The following NIPBL variants were observed in gnomAD, a reference collection of about 807,000 sequenced individuals.
NIPBL encodes NIPBL cohesin loading factor, also known as nipped-B-like protein.
NIPBL carries 19 observed loss-of-function variants against 321.8 expected under a neutral mutation model. The ratio of observed to expected loss-of-function variants is 0.06; its 90% CI spans 0.04 to 0.09. The LOEUF (loss-of-function observed/expected upper bound fraction) is 0.09, where lower values mean the gene tolerates loss of function less well. Ranked by LOEUF, NIPBL falls within the 10% of genes least tolerant of loss-of-function variation. NIPBL has a pLI of 1.00. For missense variants in NIPBL, 2,210 were observed against 3,327.0 expected, an observed-to-expected ratio of 0.66 and a Z score of 8.26; for synonymous variants, 1,106 against 1,114.1, an observed-to-expected ratio of 0.99 and a Z score of 0.14.
intron 36 of NIPBL, 22 bp from the exon 37 acceptor site, chr5:37,045,421 A>C: frequency 6.6e-7 from 1 of 1,524,778 alleles, no homozygotes; most frequent in Non-Finnish European, 9.1e-7. Context: ...TATTATAAGT[A>C]AATATTACTT....
intron 1 of NIPBL, among the ~76,000 whole-genome samples, chr5:36,936,040 T>C (rs1580272754): frequency 6.6e-6 from 1 of 152,148 alleles, no homozygotes; most frequent in East Asian, 1.9e-4. Context: ...GGGCTCCCAG[T>C]GGACTTATTT....
chr5:37,014,486 G>A (rs1748692290), intron 21 of NIPBL, among the ~76,000 whole-genome samples, 197 bp from the exon 22 acceptor site: 1 of 151,886 alleles, frequency 6.6e-6, no homozygotes. Flanking sequence ...CACTCTATCT[G>A]TATTTTTATT....
chr5:36,885,490 C>A, intron 1 of NIPBL: 1 of 499,194 alleles, frequency 2.0e-6, no homozygotes, highest in Non-Finnish European at 3.9e-6. Context: ...CCTACCTGGA[C>A]AGAGTGAGGA....
intron 42 of NIPBL, among the ~76,000 whole-genome samples, chr5:37,056,226 T>C (rs1453666375): frequency 3.3e-5 from 5 of 152,126 alleles, no homozygotes; most frequent in Admixed American, 6.5e-5. Flanking sequence ...AAAGTAAAAA[T>C]AGAGTGAGAG....
At chr5:36,982,714 G>C (rs1744282761) in intron 9 of NIPBL, among the ~76,000 whole-genome samples, 1 of 151,636 alleles carries the variant, frequency 6.6e-6, no homozygotes, top group Admixed American at 6.6e-5. Flanking sequence ...AAATTGGATT[G>C]AGGTTAATAA....
In NIPBL at chr5:37,000,361, A is replaced by G; in HGVS notation, c.3305-12A>G. On this transcript the variant is annotated splice_polypyrimidine_tract_variant and intron_variant, in intron 11 of 46. Coordinates refer to ENST00000282516, the MANE Select transcript of NIPBL (RefSeq NM_133433.4). The stretch of plus-strand genomic sequence containing the variant: ...ATGAGGTAAATTATTTGTCATGGGG[A>G]TTTGCTTCTAGCCTCTAGGAAACGA... 1 of 1,610,924 alleles carries G rather than the reference A, an allele frequency of 6.2e-7. No individual in the cohort carries two copies. The highest frequency in any genetic ancestry group is 2.2e-5 in the East Asian group (1 of 44,804).
At chr5:36,881,267 A>G (rs538002224) in intron 1 of NIPBL, among the ~76,000 whole-genome samples, 1 of 151,826 alleles carries the variant, frequency 6.6e-6, no homozygotes, top group Non-Finnish European at 1.5e-5. Context: ...AAGTAATAAA[A>G]GTAATTTTAG....
intron 32 of NIPBL, among the ~76,000 whole-genome samples, chr5:37,033,246 A>G (rs776095041): frequency 6.6e-6 from 1 of 152,310 alleles, no homozygotes; most frequent in African/African-American, 2.4e-5. Context: ...AAAAATTTAA[A>G]TATATCAAAG....
At position 37,007,995 on chromosome 5, in the gene NIPBL, CTTTT is replaced by C. The variant is rs1226631097; in HGVS notation, c.4240-10_4240-7del. On this transcript the variant is annotated splice_polypyrimidine_tract_variant and intron_variant, in intron 18 of 46. Transcript: ENST00000282516. ...CTAAAGGTGTATACTACTTACTCTTCTTTTTTAAACAGGTTTCATCTATGGGAAT... is the reference window on the plus strand; with the variant it reads ...CTAAAGGTGTATACTACTTACTCTTCTTAAACAGGTTTCATCTATGGGAAT... 5 of 1,540,628 alleles carry C rather than the reference CTTTT, an allele frequency of 3.2e-6. No homozygotes were observed. The highest frequency in any genetic ancestry group is 4.5e-6 in the Non-Finnish European group (5 of 1,113,634).
At chr5:37,030,919 C>CTTTTTTT (rs11291612) in intron 32 of NIPBL, among the ~76,000 whole-genome samples, 1 of 82,384 alleles carries the variant, frequency 1.2e-5, no homozygotes, top group Non-Finnish European at 2.3e-5. Context: ...CATGTTTAGC[C>CTTTTTTT]TTTTTTTTTT....
chr5:37,004,694 A>C (rs565815497), intron 16 of NIPBL, among the ~76,000 whole-genome samples: 1 of 152,232 alleles, frequency 6.6e-6, no homozygotes, highest in East Asian at 1.9e-4. Flanking sequence ...GATGTGAGGC[A>C]CTACACCTGG....
At chr5:37,009,158 T>A (rs560503200) in intron 20 of NIPBL, among the ~76,000 whole-genome samples, 1 of 152,264 alleles carries the variant, frequency 6.6e-6, no homozygotes, top group African/African-American at 2.4e-5. Context: ...AGTGAGAAGA[T>A]CTTGTTCATC....
In NIPBL at chr5:36,976,281, G is replaced by C. The variant is rs1202160030; in HGVS notation, c.1374G>C (p.Gln458His). 1 of 1,613,712 alleles carries C rather than the reference G, an allele frequency of 6.2e-7. No individual in the cohort carries two copies. The highest frequency in any genetic ancestry group is 8.5e-7 in the Non-Finnish European group (1 of 1,179,856). ...CTTCTGTGGTACAGAATCAACAACAGATATCACAACAGGGACCTATATATG... is the reference window on the plus strand; with the variant it reads ...CTTCTGTGGTACAGAATCAACAACACATATCACAACAGGGACCTATATATG... ...PQTSVVQNQQ[Q>H]ISQQGPIYDE... Residue 458 changes from glutamine to histidine, a missense_variant, in exon 9 of 47, where the codon CAG becomes CAC. Physicochemically the swap from Gln to His is conservative, Grantham distance 24. Around this residue, in one of 14 missense-constraint regions of NIPBL, gnomAD observed 464 missense variants for 529.5 expected, o/e 0.88. Coordinates refer to ENST00000282516, the MANE Select transcript of NIPBL (RefSeq NM_133433.4).
At chr5:36,988,598 G>T (rs969527939) in intron 10 of NIPBL, among the ~76,000 whole-genome samples, 4 of 151,758 alleles carry the variant, frequency 2.6e-5, no homozygotes, top group African/African-American at 9.7e-5. Context: ...TTTTAAAATT[G>T]CATGTATATG....
intron 1 of NIPBL, among the ~76,000 whole-genome samples, chr5:36,934,460 A>T (rs1172507913): frequency 6.6e-6 from 1 of 152,110 alleles, no homozygotes; most frequent in African/African-American, 2.4e-5. Flanking sequence ...TGGTAAGTGA[A>T]ATGATAGAGG....
chr5:37,046,265 T>C, intron 38 of NIPBL, 66 bp downstream of exon 38: 2 of 890,570 alleles, frequency 2.2e-6, no homozygotes, highest in South Asian at 2.7e-5. Flanking sequence ...TTAAATATTG[T>C]GAATCTAAAT....
At chr5:37,029,342 A>G (rs1750689104) in intron 32 of NIPBL, among the ~76,000 whole-genome samples, 2 of 152,146 alleles carry the variant, frequency 1.3e-5, no homozygotes, top group South Asian at 4.1e-4. Context: ...ACAGTATGTA[A>G]TCTTGTGTTT....
At chr5:36,972,237 CT>C (rs1742935785) in intron 8 of NIPBL, among the ~76,000 whole-genome samples, 196 bp downstream of exon 8, 1 of 152,072 alleles carries the variant, frequency 6.6e-6, no homozygotes, top group Admixed American at 6.5e-5. Context: ...TTATCTTCCA[CT>C]TACCCAGTAA....
intron 31 of NIPBL, 59 bp downstream of exon 31, chr5:37,026,386 C>CAT (rs1221603440): frequency 1.1e-6 from 1 of 915,192 alleles, no homozygotes; most frequent in Non-Finnish European, 1.8e-6. Flanking sequence ...TTGAGGCCTA[C>CAT]ATGTCTTATG....
Sources: allele counts gnomAD v4.1 joint callset (sites outside exome capture counted in the v4.1 genomes callset), GRCh38; gene constraint gnomAD v4.1.1; regional missense constraint gnomAD v4.1.1; transcripts MANE v1.5; gene names NCBI Gene and HGNC (gene_info 2026-07-23, HGNC 2026-07-21).